POLL: variants seen among roughly 807,000 people sequenced by gnomAD.
The protein encoded by POLL is DNA polymerase lambda, also known as DNA polymerase beta-2.
A neutral mutation model predicts 58.1 loss-of-function variants in POLL; 44 were observed. The ratio of observed to expected loss-of-function variants is 0.76; its 90% CI spans 0.60 to 0.97. The LOEUF (loss-of-function observed/expected upper bound fraction) is 0.97, where lower values mean the gene tolerates loss of function less well. Ranked by LOEUF, POLL falls within the 50% of genes least tolerant of loss-of-function variation. The pLI, the probability that POLL is intolerant of heterozygous loss-of-function variation, is 0.00. For synonymous variants in POLL, 290 were observed against 283.2 expected (o/e 1.02, Z -0.24); for missense variants, 632 against 736.8 (o/e 0.86, Z 1.65).
At chr10:101,587,538 C>T (rs1453154084) in intron 1 of POLL, 132 bp from the exon 2 acceptor site, 1 of 1,472,018 alleles carries the variant, frequency 6.8e-7, no homozygotes. Flanking sequence ...TCTTCAAACC[C>T]GGTTAAACTT....
In POLL at chr10:101,580,162, G is replaced by A; in HGVS notation, c.1363+86C>T. 8.5e-7 allele frequency: 1 copy of A among 1,172,964 alleles called. No individual in the cohort carries two copies. The highest frequency in any genetic ancestry group is 2.2e-5 in the Admixed American group (1 of 46,324). The allele number at this position is 1,172,964 out of a possible 1,614,324, so 72.7% of individuals were successfully genotyped here. A position where few individuals can be genotyped will look rare whatever the true frequency, so the allele number is the denominator to read the frequency against. ...TTCCCCTGCTTCCTGCCTCAGGACT[G>A]GAACTTCTGAGGTTCTCCCTCTGAG... On this transcript the variant is annotated intron_variant, in intron 8 of 8. Transcript: ENST00000370162. The surrounding 1 kb of genome is among the most constrained non-coding windows in gnomAD (Gnocchi z 4.1).
chr10:101,579,935 T>A lies in POLL; in HGVS notation c.1364-118A>T. The A allele has an allele frequency of 8.9e-7, 1 of 1,120,778 alleles. No individual in the cohort carries two copies. The highest frequency in any genetic ancestry group is 1.3e-6 in the Non-Finnish European group (1 of 796,500). 69.4% of individuals were successfully genotyped at this position (1,120,778 alleles called of 1,614,324 possible). ...TGCCCAGGTATTAGCTGGGTGACAC[T>A]ACCCTCTCTGGGCCCTTCTCCTTTT... On this transcript the variant is annotated intron_variant, in intron 8 of 8. Coordinates refer to ENST00000370162, the MANE Select transcript of POLL (RefSeq NM_001174084.2). The surrounding 1 kb of genome is among the most constrained non-coding windows in gnomAD (Gnocchi z 4.4).
At chr10:101,583,703 G>A in intron 5 of POLL, 22 bp from the exon 6 acceptor site, 1 of 1,608,340 alleles carries the variant, frequency 6.2e-7, no homozygotes, top group African/African-American at 1.3e-5. Flanking sequence ...GGAGGCAGAG[G>A]CAAGAAAGAA....
rs1338962412 is a variant in POLL, at chr10:101,582,787, C to G, written c.1170G>C (p.Glu390Asp). The change falls in exon 7 of 9, where the codon GAG becomes GAC. Residue 390 changes from glutamate (E) to aspartate (D), a missense_variant. Physicochemically the swap from Glu to Asp is conservative, Grantham distance 45 (BLOSUM62 2). Coordinates refer to ENST00000370162, the MANE Select transcript of POLL (RefSeq NM_001174084.2). ...YSDFLERMPR[E>D]EATEIEQTVQ... Reference sequence around the variant, plus strand: ...CTGTCTGCTCAATCTCTGTAGCCTCCTCCCTGGGCATACGTTCCAGGAAGT... The same window carrying G: ...CTGTCTGCTCAATCTCTGTAGCCTCGTCCCTGGGCATACGTTCCAGGAAGT... 6.2e-7 allele frequency: 1 copy of G among 1,614,224 alleles called. No homozygotes were observed.
chr10:101,582,071 G>A (rs2063030888), intron 7 of POLL: 1 of 152,240 alleles, frequency 6.6e-6, no homozygotes, highest in South Asian at 2.1e-4. Flanking sequence ...CGTTGGCCAG[G>A]CTGGTCTCGA....
intron 3 of POLL, 87 bp downstream of exon 3, chr10:101,585,775 A>G: frequency 8.1e-7 from 1 of 1,228,304 alleles, no homozygotes; most frequent in Non-Finnish European, 1.1e-6. Flanking sequence ...TAATTTTTTA[A>G]TTAATGATAG....
In POLL at chr10:101,580,274, C is replaced by T. The variant is rs779825759; in HGVS notation, c.1337G>A (p.Arg446His). Residue 446 changes from arginine (R) to histidine (H), a missense_variant, in exon 8 of 9, where the codon CGC (arginine) becomes CAC (histidine). Transcript: ENST00000370162. This position sits in a 1 kb window ranked among gnomAD's most constrained non-coding sequence, Gnocchi z 4.1. The part of the protein sequence containing the change: ...DGRSHRGIFS[R>H]LLDSLRQEGF... ...TTCCTGCCGAAGACTGTCAAGGAGG[C>T]GGCTGAAGATACCCCGGTGGGACCG... 5 of 1,613,702 alleles carry T rather than the reference C, an allele frequency of 3.1e-6. No individual in the cohort carries two copies. The African/African-American group carries it at 4.0e-5, about 13-fold the overall frequency.
Position 101,583,490 on chromosome 10 carries a change from G to C in POLL, c.1065+18C>G. On this transcript the variant is annotated intron_variant, in intron 6 of 8. Transcript: ENST00000370162. Reference sequence around the variant, plus strand: ...GAGACACAGCAAAACTGAAGTAGGGGCTGAGCCAGGGTGTGACCTGTTGGT... The same window carrying C: ...GAGACACAGCAAAACTGAAGTAGGGCCTGAGCCAGGGTGTGACCTGTTGGT... 6.2e-7 allele frequency: 1 copy of C among 1,611,670 alleles called. No homozygotes were observed.
At chr10:101,582,051 G>A (rs1456080893) in intron 7 of POLL, 1 of 152,122 alleles carries the variant, frequency 6.6e-6, no homozygotes, top group Non-Finnish European at 1.5e-5. Context: ...ATAGAGACAG[G>A]GTTTCACCAC....
Position 101,580,342 on chromosome 10 carries a change from C to T in POLL, c.1269G>A (p.Ala423=), listed in dbSNP as rs200263317. The T allele has an allele frequency of 5.5e-5, 89 of 1,613,944 alleles. No homozygotes were observed. The East Asian group carries it at 1.8e-3, about 33-fold the overall frequency. ...VACGSYRRGK[A]TCGDVDVLIT... ...TGAGCACGTCGACATCACCACAGGT[C>T]GCCTTTCCCCGTCGGTATGAACCAC... Residue 423 remains alanine (A), a synonymous_variant, in exon 8 of 9, where the codon GCG becomes GCA. Transcript: ENST00000370162. This position sits in a 1 kb window ranked among gnomAD's most constrained non-coding sequence, Gnocchi z 4.1.
rs28372815 is a variant in POLL at position 101,588,231 on chromosome 10, G to T, written c.-456C>A. 3.7e-5 allele frequency: 57 copies of T among 1,549,802 alleles called. No individual in the cohort carries two copies. The highest frequency in any genetic ancestry group is 6.8e-5 in the African/African-American group (5 of 73,278). ...GCAGAGCCAATGAGAGCGGACGAAGGGGGGAAGGAGGGCAAATGGCCAGAA... is the reference window on the plus strand; with the variant it reads ...GCAGAGCCAATGAGAGCGGACGAAGTGGGGAAGGAGGGCAAATGGCCAGAA... On this transcript the variant is annotated 5_prime_UTR_variant, in exon 1 of 9. Coordinates refer to ENST00000370162, the MANE Select transcript of POLL (RefSeq NM_001174084.2).
rs1312746256 is a variant in POLL at position 101,579,465 on chromosome 10, C to T, written c.1716G>A (p.Glu572=). 3 of 1,607,800 alleles carry T rather than the reference C, an allele frequency of 1.9e-6. No homozygotes were observed. The highest frequency in any genetic ancestry group is 1.1e-5 in the South Asian group (1 of 90,450). Residue 572 remains glutamate (E), a synonymous_variant, in exon 9 of 9, where the codon GAG becomes GAA. Transcript: ENST00000370162. This position sits in a 1 kb window ranked among gnomAD's most constrained non-coding sequence, Gnocchi z 4.4. ...CCCCAGCCATGGGTCACCAGTCCCGCTCAGCAGGTTCTCGGTAGGGGAGGC... is the reference window on the plus strand; with the variant it reads ...CCCCAGCCATGGGTCACCAGTCCCGTTCAGCAGGTTCTCGGTAGGGGAGGC... ...LLGLPYREPA[E]RDW
In POLL at chr10:101,583,170, C is replaced by T. The variant is rs150556637; in HGVS notation, c.1066-279G>A. On this transcript the variant is annotated intron_variant, in intron 6 of 8. Coordinates refer to ENST00000370162, the MANE Select transcript of POLL (RefSeq NM_001174084.2). ...TCATCTTCATCCTTACCAAGCTGCCCTGGTGATTGTGGGCAGAGCCAGGAT... is the reference window on the plus strand; with the variant it reads ...TCATCTTCATCCTTACCAAGCTGCCTTGGTGATTGTGGGCAGAGCCAGGAT... 1.8e-3 allele frequency: 1,056 copies of T among 601,924 alleles called. 14 individuals carry two copies. The highest frequency in any genetic ancestry group is 0.017 in the African/African-American group (940 of 54,066). 37.3% of individuals were successfully genotyped at this position (601,924 alleles called of 1,614,324 possible). A position where few individuals can be genotyped will look rare whatever the true frequency, so the allele number is the denominator to read the frequency against.
In POLL at chr10:101,587,974, TC is replaced by T; in HGVS notation, c.-200del. ...CGGCCGCAGCAGGTGTGGGGAGCCC[TC>T]CGGGAATGGAGGAGTCTCGCAGCTG... On this transcript the variant is annotated 5_prime_UTR_variant, in exon 1 of 9. Coordinates refer to ENST00000370162, the MANE Select transcript of POLL (RefSeq NM_001174084.2). 1 of 1,286,426 alleles carries T rather than the reference TC, an allele frequency of 7.8e-7. No homozygotes were observed. Among genetic ancestry groups the T allele is most frequent in the Non-Finnish European group, 1.0e-6 (1 of 989,592 alleles). The allele number at this position is 1,286,426 out of a possible 1,614,324, so 79.7% of individuals were successfully genotyped here.
At chr10:101,582,575 CA>C (rs1328027897) in intron 7 of POLL, among the ~76,000 whole-genome samples, 187 bp downstream of exon 7, 1 of 152,098 alleles carries the variant, frequency 6.6e-6, no homozygotes, top group Non-Finnish European at 1.5e-5. Context: ...TCTTTCCTCC[CA>C]AAGCTCCCCA....
In POLL at chr10:101,586,120, G is replaced by T; in HGVS notation, c.152C>A (p.Thr51Asn). The T allele has an allele frequency of 1.2e-6, 2 of 1,613,698 alleles. 1 individual carries two copies. Among genetic ancestry groups the T allele is most frequent in the South Asian group, 2.2e-5 (2 of 91,086 alleles). ...LSSLRAHVVR[T>N]GIGRARAELF... ...TTCTGCCCGGGCTCGTCCAATGCCA[G>T]TGCGCACAACATGGGCCCGAAGGGA... Residue 51 changes from threonine to asparagine, a missense_variant, in exon 3 of 9, where the codon ACT (threonine) becomes AAT (asparagine). Thr to Asn is a moderately conservative substitution (Grantham distance 65, BLOSUM62 0). Transcript: ENST00000370162.
chr10:101,587,574 C>A lies in POLL; in HGVS notation c.-46-168G>T, dbSNP rs540842528. On this transcript the variant is annotated intron_variant, in intron 1 of 8. Coordinates refer to ENST00000370162, the MANE Select transcript of POLL (RefSeq NM_001174084.2). The stretch of plus-strand genomic sequence containing the variant: ...CAGTGGTTTAGCCTAGCTTCACACT[C>A]CCCAGCCTTTCGAAGTTGGAGTATT... The A allele has an allele frequency of 1.8e-4, 229 of 1,297,610 alleles. No homozygotes were observed. The African/African-American group carries it at 3.1e-3, about 18-fold the overall frequency. 80.4% of individuals were successfully genotyped at this position (1,297,610 alleles called of 1,614,324 possible).
Position 101,580,431 on chromosome 10 carries a change from G to A in POLL, c.1195-15C>T, listed in dbSNP as rs56356419. On this transcript the variant is annotated splice_polypyrimidine_tract_variant and intron_variant, in intron 7 of 8. Coordinates refer to ENST00000370162, the MANE Select transcript of POLL (RefSeq NM_001174084.2). The surrounding 1 kb of genome is among the most constrained non-coding windows in gnomAD (Gnocchi z 4.1). Reference sequence around the variant, plus strand: ...GCTTTCTGGACCTGGGAAAGAGAGCGGTGACAGGTGAGGGGCTGTGCGTGG... The same window carrying A: ...GCTTTCTGGACCTGGGAAAGAGAGCAGTGACAGGTGAGGGGCTGTGCGTGG... 2.8e-3 allele frequency: 4,475 copies of A among 1,612,132 alleles called. 116 individuals carry two copies. The East Asian group carries it at 0.063, about 23-fold the overall frequency.
chr10:101,585,010 G>A lies in POLL; in HGVS notation c.574-91C>T, dbSNP rs548207065. 12 of 846,828 alleles carry A rather than the reference G, an allele frequency of 1.4e-5. No individual in the cohort carries two copies. In the Admixed American group the frequency reaches 1.4e-4, roughly 10 times the overall value. 52.5% of individuals were successfully genotyped at this position (846,828 alleles called of 1,614,324 possible). A position where few individuals can be genotyped will look rare whatever the true frequency, so the allele number is the denominator to read the frequency against. On this transcript the variant is annotated intron_variant, in intron 4 of 8. Transcript: ENST00000370162. Reference sequence around the variant, plus strand: ...GGGGGTCATCTTCTTTGTGCGGGGGGAGGGTCTTCTAGTCAGACCTAAGAA... The same window carrying A: ...GGGGGTCATCTTCTTTGTGCGGGGGAAGGGTCTTCTAGTCAGACCTAAGAA...
Sources: gnomAD v4.1 joint callset for allele counts (sites outside exome capture counted in the v4.1 genomes callset) on GRCh38, gnomAD v4.1.1 for gene constraint, Gnocchi (gnomAD v3.1) non-coding constraint, MANE v1.5 for transcripts, NCBI Gene and HGNC (gene_info 2026-07-23, HGNC 2026-07-21) for gene names.